Variants in HAUS4 observed in about 807,000 individuals in gnomAD.
The protein encoded by HAUS4 is HAUS augmin-like complex subunit 4.
A neutral mutation model predicts 50.6 loss-of-function variants in HAUS4; 34 were observed. The observed-to-expected ratio is 0.67, with a 90% CI of 0.51 to 0.90. The LOEUF (loss-of-function observed/expected upper bound fraction) is 0.90. HAUS4 is among the 40% of genes least tolerant of loss of function. The pLI is 0.00. For synonymous variants in HAUS4, 149 were observed against 161.4 expected (o/e 0.92, Z 0.58); for missense variants, 370 against 428.7 (o/e 0.86, Z 1.21).
At chr14:22,950,560 G>C in intron 5 of HAUS4, 150 bp from the exon 6 acceptor site, 1 of 575,854 alleles carries the variant, frequency 1.7e-6, no homozygotes, top group Non-Finnish European at 3.1e-6. Flanking sequence ...TATCAAATTA[G>C]CGAAGAATAA....
rs563482963 is a variant in HAUS4, at chr14:22,951,253, C to T, written c.465+302G>A. 2.0e-5 allele frequency among the ~76,000 whole-genome samples: 3 copies of T among 152,036 alleles called. No homozygotes were observed. In the South Asian group the frequency reaches 6.2e-4, roughly 32 times the overall value. ...CTCCTGAACTCAAGTGATCCTCCCA[C>T]CTCAGCCTCCCAAAGTGCTACGATT... On this transcript the variant is annotated intron_variant, in intron 5 of 9. Coordinates refer to ENST00000541587, the MANE Select transcript of HAUS4 (RefSeq NM_001166269.2).
intron 9 of HAUS4, 25 bp downstream of exon 9, chr14:22,947,146 G>C (rs202091153): frequency 2.1e-6 from 3 of 1,419,254 alleles, no homozygotes; most frequent in Non-Finnish European, 3.0e-6. Context: ...GTGAACAGCT[G>C]TACCAGACTC....
intron 2 of HAUS4, among the ~76,000 whole-genome samples, chr14:22,952,955 A>G (rs2044783729): frequency 6.6e-6 from 1 of 152,248 alleles, no homozygotes. Context: ...TATTAGACAA[A>G]TAGAATAAAA....
At chr14:22,950,540 A>C (rs559064252) in intron 5 of HAUS4, 130 bp from the exon 6 acceptor site, 1 of 587,652 alleles carries the variant, frequency 1.7e-6, no homozygotes, top group South Asian at 2.1e-5. Context: ...AGAGAGACTC[A>C]TTTTTCACCT....
chr14:22,948,995 A>T (rs2044697955), intron 6 of HAUS4, among the ~76,000 whole-genome samples: 1 of 150,964 alleles, frequency 6.6e-6, no homozygotes, highest in African/African-American at 2.4e-5. Flanking sequence ...TCTCTACTAA[A>T]AATACAAAAA....
rs922539771 is a variant in HAUS4, at chr14:22,951,362, A to G, written c.465+193T>C. 4.7e-6 allele frequency: 3 copies of G among 637,678 alleles called. No homozygotes were observed. In the African/African-American group the frequency reaches 5.5e-5, roughly 12 times the overall value. The allele number at this position is 637,678 out of a possible 1,614,324, so 39.5% of individuals were successfully genotyped here. On this transcript the variant is annotated intron_variant, in intron 5 of 9. Coordinates refer to ENST00000541587, the MANE Select transcript of HAUS4 (RefSeq NM_001166269.2). ...TACCATTTATGTCAAGCTGTTTATA[A>G]TAATATTGTGCTTCTAGATGCAGTA... is the stretch of plus-strand genomic sequence containing the variant.
rs766888289 is a variant in HAUS4, at chr14:22,950,416, G to A, written c.466-6C>T. The A allele has an allele frequency of 6.3e-7, 1 of 1,579,338 alleles. No individual in the cohort carries two copies. The highest frequency in any genetic ancestry group is 2.2e-5 in the East Asian group (1 of 44,690). On this transcript the variant is annotated splice_region_variant and splice_polypyrimidine_tract_variant and intron_variant, in intron 5 of 9. Coordinates refer to ENST00000541587, the MANE Select transcript of HAUS4 (RefSeq NM_001166269.2). The stretch of plus-strand genomic sequence containing the variant: ...GCCCTCATCCACACAAAATCCTACA[G>A]TCATAGAAGTAAAGGCAGAAATGCG...
intron 6 of HAUS4, 133 bp from the exon 7 acceptor site, chr14:22,948,146 A>C (rs2044678588): frequency 1.1e-6 from 1 of 944,446 alleles, no homozygotes; most frequent in Non-Finnish European, 1.5e-6. Context: ...CTAATAATCT[A>C]TTAAAAATGG....
intron 6 of HAUS4, 52 bp downstream of exon 6, chr14:22,950,262 G>C (rs1450605416): frequency 2.0e-6 from 2 of 985,586 alleles, no homozygotes; most frequent in African/African-American, 3.2e-5. Context: ...CAAAAGAGCA[G>C]ACCAGGAACC....
chr14:22,950,881 G>A (rs1328561171), intron 5 of HAUS4, among the ~76,000 whole-genome samples: 1 of 152,188 alleles, frequency 6.6e-6, no homozygotes, highest in Non-Finnish European at 1.5e-5. Context: ...TTAAACTGAT[G>A]ACATAACACT....
chr14:22,955,449 G>A, intron 1 of HAUS4: 1 of 382,792 alleles, frequency 2.6e-6, no homozygotes. Context: ...ATCCTAAAAA[G>A]AGAACTTTCC....
intron 2 of HAUS4, among the ~76,000 whole-genome samples, chr14:22,954,140 G>GA (rs1214043093): frequency 1.3e-5 from 2 of 152,166 alleles, no homozygotes; most frequent in East Asian, 3.8e-4. Flanking sequence ...ACAGGCATGA[G>GA]AAAAAAGTGT....
intron 1 of HAUS4, among the ~76,000 whole-genome samples, chr14:22,956,363 TAGTTA>T (rs760646084): frequency 8.5e-5 from 13 of 152,242 alleles, no homozygotes; most frequent in African/African-American, 1.2e-4. Flanking sequence ...AGCCACTACT[TAGTTA>T]AGTTCAGTGT....
chr14:22,947,706 A>G lies in HAUS4; in HGVS notation c.734T>C (p.Leu245Pro). The G allele has an allele frequency of 6.2e-7, 1 of 1,614,166 alleles. No homozygotes were observed. Residue 245 changes from leucine to proline, a missense_variant, in exon 8 of 10, where the codon CTG (leucine) becomes CCG (proline). Coordinates refer to ENST00000541587, the MANE Select transcript of HAUS4 (RefSeq NM_001166269.2). ...SQVLLRCLTL[L>P]QRLLQEHRLK... Reference sequence around the variant, plus strand: ...CCGGTGTTCTTGAAGAAGCCTCTGCAGCAAAGTGAGGCAGCGGAGAAGCAC... The same window carrying G: ...CCGGTGTTCTTGAAGAAGCCTCTGCGGCAAAGTGAGGCAGCGGAGAAGCAC...
chr14:22,952,784 T>C lies in HAUS4; in HGVS notation c.56-101A>G, dbSNP rs537436815. 1,025 of 908,078 alleles carry C rather than the reference T, an allele frequency of 1.1e-3. 1 individual carries two copies. Among genetic ancestry groups the C allele is most frequent in the Non-Finnish European group, 1.5e-3 (953 of 632,808 alleles). The allele number at this position is 908,078 out of a possible 1,614,324, so 56.3% of individuals were successfully genotyped here. A position where few individuals can be genotyped will look rare whatever the true frequency, so the allele number is the denominator to read the frequency against. On this transcript the variant is annotated intron_variant, in intron 2 of 9. Coordinates refer to ENST00000541587, the MANE Select transcript of HAUS4 (RefSeq NM_001166269.2). ...TAATACTTCCAAAAAACCCCTAGGATTTTTATAGGAAAGATTGCTAAATCT... is the reference window on the plus strand; with the variant it reads ...TAATACTTCCAAAAAACCCCTAGGACTTTTATAGGAAAGATTGCTAAATCT...
chr14:22,947,305 A>C, intron 8 of HAUS4, 66 bp from the exon 9 acceptor site: 1 of 1,085,608 alleles, frequency 9.2e-7, no homozygotes, highest in Non-Finnish European at 1.4e-6. Context: ...TTGGGAATGG[A>C]CGTAGTACCT....
At position 22,951,671 on chromosome 14, in the gene HAUS4, G is replaced by A. The variant is rs371769062; in HGVS notation, c.349C>T (p.Gln117Ter). Residue 117 changes from glutamine (Q) to a stop codon, truncating the protein, a stop_gained, in exon 5 of 10, where the codon CAG (glutamine) becomes TAG (stop). Transcript: ENST00000541587. LOFTEE classifies it high-confidence loss of function. ...EDKKFHETLEQRLLVTELMRL... is the reference protein window; with the variant it reads ...EDKKFHETLE ...ATCAGTTCAGTTACAAGCAGCCGCT[G>A]TTCAAGGGTCTCATGAAACTGAGAG... 15 of 1,609,808 alleles carry A rather than the reference G, an allele frequency of 9.3e-6. No homozygotes were observed. The highest frequency in any genetic ancestry group is 1.3e-5 in the Non-Finnish European group (15 of 1,178,544).
intron 2 of HAUS4, chr14:22,954,746 TTTG>T: frequency 6.1e-6 from 1 of 165,192 alleles, no homozygotes; most frequent in Non-Finnish European, 1.3e-5. Context: ...TTTTTTTTTT[TTTG>T]GAGTCTTGCT....
chr14:22,951,680 T>C lies in HAUS4; in HGVS notation c.340A>G (p.Thr114Ala), dbSNP rs1211483282. The change falls in exon 5 of 10, where the codon ACC becomes GCC. Residue 114 changes from threonine to alanine, a missense_variant. By Grantham distance (58) the Thr-to-Ala change is moderately conservative. Transcript: ENST00000541587. The part of the protein sequence containing the change: ...VTSEDKKFHE[T>A]LEQRLLVTEL... ...GTTACAAGCAGCCGCTGTTCAAGGG[T>C]CTCATGAAACTGAGAGAGAGAGAAT... is the stretch of plus-strand genomic sequence containing the variant. The C allele has an allele frequency of 3.7e-6, 6 of 1,604,698 alleles. No individual in the cohort carries two copies. Among genetic ancestry groups the C allele is most frequent in the Non-Finnish European group, 5.1e-6 (6 of 1,176,432 alleles).
Sources: gnomAD v4.1 joint callset for allele counts (sites outside exome capture counted in the v4.1 genomes callset) on GRCh38, gnomAD v4.1.1 for gene constraint, MANE v1.5 for transcripts, NCBI Gene and HGNC (gene_info 2026-07-23, HGNC 2026-07-21) for gene names.